Variants in MAGI1 observed in about 807,000 individuals in gnomAD.
MAGI1 encodes membrane associated guanylate kinase, WW and PDZ domain containing 1.
Under a neutral mutation model 139.9 loss-of-function variants are expected in MAGI1, and 58 were observed. The observed-to-expected ratio is 0.41, with a 90% CI of 0.34 to 0.52. MAGI1 has a LOEUF of 0.52. Ranked by LOEUF, MAGI1 falls within the 20% of genes least tolerant of loss-of-function variation. MAGI1 has a pLI of 0.12. For synonymous variants in MAGI1, 812 were observed against 737.9 expected, an observed-to-expected ratio of 1.10 and a Z score of -1.63; for missense variants, 1,874 against 1,901.6, an observed-to-expected ratio of 0.99 and a Z score of 0.27.
intron 1 of MAGI1, among the ~76,000 whole-genome samples, chr3:65,741,092 A>G (rs1315291643): frequency 6.6e-6 from 1 of 152,174 alleles, no homozygotes; most frequent in African/African-American, 2.4e-5. Context: ...TGTAAACAAC[A>G]TCAAAGACTA....
At chr3:65,679,167 AC>A (rs2087401982) in intron 1 of MAGI1, among the ~76,000 whole-genome samples, 1 of 152,122 alleles carries the variant, frequency 6.6e-6, no homozygotes, top group Non-Finnish European at 1.5e-5. Flanking sequence ...TCAAAAAAAA[AC>A]AAAATAAAAT....
chr3:65,556,330 C>T (rs79459438), intron 2 of MAGI1, among the ~76,000 whole-genome samples: 5,368 of 152,272 alleles, frequency 0.035, 146 homozygotes, highest in Middle Eastern at 0.075. Context: ...ATGCTTTTGT[C>T]GCTTAGACTA....
chr3:65,795,995 G>A (rs2040112450), intron 1 of MAGI1, among the ~76,000 whole-genome samples: 1 of 147,962 alleles, frequency 6.8e-6, no homozygotes, highest in African/African-American at 2.5e-5. Context: ...AAGGTGCAGT[G>A]AGCAGAGATC....
intron 2 of MAGI1, among the ~76,000 whole-genome samples, chr3:65,515,994 A>T (rs2077855146): frequency 1.3e-5 from 2 of 152,158 alleles, no homozygotes; most frequent in Admixed American, 1.3e-4. Context: ...AATAGCAGAA[A>T]TTATCAAAAA....
At chr3:65,413,326 A>C (rs564227811) in intron 12 of MAGI1, among the ~76,000 whole-genome samples, 19 of 152,276 alleles carry the variant, frequency 1.2e-4, no homozygotes, top group African/African-American at 4.6e-4. Context: ...CAATATCTTA[A>C]ATTTAAGAAA....
At chr3:65,654,267 T>C (rs2085741634) in intron 1 of MAGI1, among the ~76,000 whole-genome samples, 1 of 152,164 alleles carries the variant, frequency 6.6e-6, no homozygotes, top group African/African-American at 2.4e-5. Context: ...ATGGAAACTG[T>C]TGTCATTTGA....
At chr3:65,401,714 T>G (rs1290904855) in intron 12 of MAGI1, 6 of 1,503,980 alleles carry the variant, frequency 4.0e-6, no homozygotes, top group Admixed American at 2.1e-5. Flanking sequence ...TGCAGCAGCC[T>G]GGAGGCTGGG....
At chr3:65,449,587 C>A (rs529288736) in intron 6 of MAGI1, among the ~76,000 whole-genome samples, 2 of 152,030 alleles carry the variant, frequency 1.3e-5, no homozygotes, top group African/African-American at 4.8e-5. Flanking sequence ...CCAGCCTGGC[C>A]AACATGGTGA....
intron 1 of MAGI1, among the ~76,000 whole-genome samples, chr3:65,654,961 C>A (rs995969601): frequency 4.6e-5 from 7 of 152,174 alleles, no homozygotes; most frequent in Non-Finnish European, 7.3e-5. Context: ...ATTGTCAAAT[C>A]ATTTAAGTTC....
At chr3:65,925,327 G>GT (rs2062442614) in intron 1 of MAGI1, 1 of 150,708 alleles carries the variant, frequency 6.6e-6, no homozygotes, top group Admixed American at 6.6e-5. Context: ...TTGTTTTTTT[G>GT]TTTTTGTATT....
intron 12 of MAGI1, among the ~76,000 whole-genome samples, chr3:65,408,399 C>G (rs879485871): frequency 3.3e-5 from 5 of 152,134 alleles, no homozygotes; most frequent in African/African-American, 4.8e-5. Context: ...AAGTGCTGCT[C>G]CCTGGTAAAA....
intron 1 of MAGI1, among the ~76,000 whole-genome samples, chr3:65,803,229 C>T (rs906968167): frequency 3.3e-5 from 5 of 151,794 alleles, no homozygotes; most frequent in Non-Finnish European, 5.9e-5. Context: ...AGGAATCCTG[C>T]GATATTATAA....
At chr3:65,939,017 T>A (rs1170556481) in intron 1 of MAGI1, among the ~76,000 whole-genome samples, 1 of 152,190 alleles carries the variant, frequency 6.6e-6, no homozygotes, top group South Asian at 2.1e-4. Context: ...AGTAAAACAC[T>A]AGCACTAGTA....
At chr3:65,465,956 G>A (rs1046718154) in intron 5 of MAGI1, among the ~76,000 whole-genome samples, 5 of 151,820 alleles carry the variant, frequency 3.3e-5, no homozygotes, top group Non-Finnish European at 7.4e-5. Flanking sequence ...GTTCTTATTG[G>A]GTAATTTCTA....
chr3:65,781,093 G>C (rs1463483304), intron 1 of MAGI1, among the ~76,000 whole-genome samples: 1 of 152,084 alleles, frequency 6.6e-6, no homozygotes, highest in African/African-American at 2.4e-5. Context: ...CTACCCAGGA[G>C]GCTGAGGCAG....
intron 1 of MAGI1, among the ~76,000 whole-genome samples, chr3:65,928,196 G>A (rs1330336258): frequency 2.0e-5 from 3 of 152,126 alleles, no homozygotes; most frequent in African/African-American, 7.2e-5. Context: ...ACACCAGACA[G>A]CCAACTGTGT....
chr3:65,452,960 AG>A, intron 6 of MAGI1: 1 of 283,936 alleles, frequency 3.5e-6, no homozygotes, highest in Non-Finnish European at 6.7e-6. Flanking sequence ...GAGACTTTCT[AG>A]AATTTACTCT....
chr3:65,818,043 A>AGT (rs57082137), intron 1 of MAGI1, among the ~76,000 whole-genome samples: 8,953 of 148,952 alleles, frequency 0.06, 434 homozygotes, highest in African/African-American at 0.14. Flanking sequence ...TAAAATTATG[A>AGT]GTGTGTGTGT....
chr3:65,475,500 T>A (rs145344402), intron 4 of MAGI1, among the ~76,000 whole-genome samples: 1 of 152,314 alleles, frequency 6.6e-6, no homozygotes, highest in African/African-American at 2.4e-5. Flanking sequence ...AGGCATGTAA[T>A]CCTTGTTACA....
Sources: gnomAD v4.1 joint callset for allele counts (sites outside exome capture counted in the v4.1 genomes callset) on GRCh38, gnomAD v4.1.1 for gene constraint, MANE v1.5 for transcripts, NCBI Gene and HGNC (gene_info 2026-07-23, HGNC 2026-07-21) for gene names.